The following COL8A1 variants were observed in gnomAD, a reference collection of about 807,000 sequenced individuals.
The protein encoded by COL8A1 is collagen type VIII alpha 1 chain.
Under a neutral mutation model 42.7 loss-of-function variants are expected in COL8A1, and 21 were observed. The ratio of observed to expected loss-of-function variants is 0.49; its 90% confidence interval spans 0.35 to 0.71. COL8A1 has a LOEUF of 0.71. Among genes scored for constraint, COL8A1 ranks in the 30% least tolerant of loss-of-function variants. COL8A1 has a pLI of 0.01. For missense variants in COL8A1, 788 were observed against 962.4 expected (o/e 0.82, Z 2.40); for synonymous variants, 367 against 369.1 (o/e 0.99, Z 0.06).
In COL8A1 at chr3:99,740,121, A is replaced by C. The variant is rs186204033; in HGVS notation, c.-128-4776A>C. 3.5e-3 allele frequency among the ~76,000 whole-genome samples: 536 copies of C among 152,288 alleles called. 2 individuals are homozygous for C. Among genetic ancestry groups the C allele is most frequent in the African/African-American group, 0.012 (504 of 41,560 alleles). On this transcript the variant is annotated intron_variant, in intron 1 of 3. Transcript: ENST00000652472. ...CCAACAAGTTCCTGATCTCCATCTG[A>C]GACCACCTCAGCCTGGACTTCATTA...
At chr3:99,781,460 A>T (rs993317853) in intron 2 of COL8A1, among the ~76,000 whole-genome samples, 1 of 152,214 alleles carries the variant, frequency 6.6e-6, no homozygotes, top group Non-Finnish European at 1.5e-5. Flanking sequence ...GGGTTATATG[A>T]TTCAAAATAA....
intron 1 of COL8A1, among the ~76,000 whole-genome samples, chr3:99,709,585 C>T (rs993486352): frequency 6.6e-6 from 1 of 152,084 alleles, no homozygotes. Flanking sequence ...AATCTCACTC[C>T]ACTTTTTAAA....
At chr3:99,672,386 C>T (rs558131955) in intron 1 of COL8A1, among the ~76,000 whole-genome samples, 13 of 151,854 alleles carry the variant, frequency 8.6e-5, no homozygotes, top group African/African-American at 3.1e-4. Context: ...CTAACTTCTC[C>T]TGTATTTTCC....
At chr3:99,758,534 A>T (rs1220999301) in intron 2 of COL8A1, among the ~76,000 whole-genome samples, 1 of 152,198 alleles carries the variant, frequency 6.6e-6, no homozygotes, top group Non-Finnish European at 1.5e-5. Flanking sequence ...ATTGAAAAGA[A>T]CCACAGTTTA....
At chr3:99,681,967 T>A (rs370558066) in intron 1 of COL8A1, among the ~76,000 whole-genome samples, 3 of 152,192 alleles carry the variant, frequency 2.0e-5, no homozygotes, top group African/African-American at 7.2e-5. Flanking sequence ...CAGAGCCAGC[T>A]CTCTTCACCA....
chr3:99,739,769 T>C (rs1940846250), intron 1 of COL8A1, among the ~76,000 whole-genome samples: 1 of 152,180 alleles, frequency 6.6e-6, no homozygotes, highest in Admixed American at 6.5e-5. Flanking sequence ...GAGGCTGCCA[T>C]GAAGGTCTCT....
intron 1 of COL8A1, among the ~76,000 whole-genome samples, chr3:99,718,782 G>A (rs1378366767): frequency 6.6e-6 from 1 of 152,000 alleles, no homozygotes; most frequent in Non-Finnish European, 1.5e-5. Context: ...AAATTCAGTT[G>A]CATACTTACG....
intron 1 of COL8A1, chr3:99,678,526 T>C (rs570086895): frequency 9.9e-5 from 15 of 152,122 alleles, no homozygotes; most frequent in African/African-American, 3.6e-4. Flanking sequence ...TGTGAGCATA[T>C]TGGGCATCTA....
intron 1 of COL8A1, among the ~76,000 whole-genome samples, chr3:99,675,069 C>T (rs1457153960): frequency 6.6e-6 from 1 of 151,972 alleles, no homozygotes; most frequent in East Asian, 1.9e-4. Flanking sequence ...TAGAGATAAG[C>T]CCTCTGGTTT....
chr3:99,655,424 C>T (rs893780434), intron 1 of COL8A1, among the ~76,000 whole-genome samples: 13 of 152,146 alleles, frequency 8.5e-5, no homozygotes, highest in African/African-American at 3.1e-4. Flanking sequence ...AAATTTGTTG[C>T]CATCAAGGTA....
intron 1 of COL8A1, among the ~76,000 whole-genome samples, chr3:99,738,546 G>A (rs536552106): frequency 6.6e-6 from 1 of 152,342 alleles, no homozygotes; most frequent in South Asian, 2.1e-4. Context: ...GGGGTTCAGG[G>A]GTCAGGGACC....
chr3:99,778,506 G>T (rs1941736620), intron 2 of COL8A1, among the ~76,000 whole-genome samples: 1 of 151,986 alleles, frequency 6.6e-6, no homozygotes, highest in Non-Finnish European at 1.5e-5. Flanking sequence ...TTTATCATAG[G>T]TATAAAGAGA....
Position 99,795,259 on chromosome 3 carries a change from G to A in COL8A1, c.1358G>A (p.Gly453Asp). Residue 453 changes from glycine to aspartate, a missense_variant, in exon 4 of 4, where the codon GGT becomes GAT. Gly to Asp is a moderately conservative substitution (Grantham distance 94, BLOSUM62 -1). Transcript: ENST00000652472. ...LGEVGPPGMRGLPGPIGPKGE... is the reference protein window; with the variant it reads ...LGEVGPPGMRDLPGPIGPKGE... ...GAAGTAGGGCCTCCTGGCATGAGGGGTTTGCCAGGTCCCATAGGGCCCAAG... is the reference window on the plus strand; with the variant it reads ...GAAGTAGGGCCTCCTGGCATGAGGGATTTGCCAGGTCCCATAGGGCCCAAG... 2 of 1,613,206 alleles carry A rather than the reference G, an allele frequency of 1.2e-6. No individual in the cohort carries two copies. Among genetic ancestry groups the A allele is most frequent in the Non-Finnish European group, 1.7e-6 (2 of 1,179,546 alleles).
intron 2 of COL8A1, among the ~76,000 whole-genome samples, chr3:99,765,372 G>T (rs1269795259): frequency 1.3e-5 from 2 of 152,118 alleles, no homozygotes; most frequent in African/African-American, 4.8e-5. Flanking sequence ...TCAGCAAAGG[G>T]TATCTAGTAG....
intron 1 of COL8A1, among the ~76,000 whole-genome samples, chr3:99,672,171 G>A (rs1938566268): frequency 6.6e-6 from 1 of 152,002 alleles, no homozygotes; most frequent in South Asian, 2.1e-4. Context: ...ACAGCTCAGA[G>A]CAGTAAGAAT....
In COL8A1 at chr3:99,773,335, C is replaced by T. The variant is rs529478862; in HGVS notation, c.-3-17345C>T. On this transcript the variant is annotated intron_variant, in intron 2 of 3. Transcript: ENST00000652472. ...GCTTCCACGTCATAGTGAGCAGGCT[C>T]TTCTGGGTTTTTAAGGGGAATGGCA... Among the ~76,000 whole-genome samples the T allele has an allele frequency of 1.0e-3, 157 of 152,188 alleles. 1 individual carries two copies. The highest frequency in any genetic ancestry group is 2.6e-3 in the Admixed American group (39 of 15,280).
intron 1 of COL8A1, among the ~76,000 whole-genome samples, chr3:99,667,530 TTC>T (rs1393671597): frequency 6.6e-6 from 1 of 152,166 alleles, no homozygotes; most frequent in Non-Finnish European, 1.5e-5. Context: ...GGAAGAATTT[TTC>T]TCTGTCTGAT....
At chr3:99,756,384 A>G (rs1339095543) in intron 2 of COL8A1, among the ~76,000 whole-genome samples, 1 of 152,172 alleles carries the variant, frequency 6.6e-6, no homozygotes, top group Non-Finnish European at 1.5e-5. Context: ...CACTCTTAGA[A>G]TTCTGAACCA....
At position 99,709,364 on chromosome 3, in the gene COL8A1, T is replaced by G. The variant is rs545434490; in HGVS notation, c.-128-35533T>G. 2.6e-5 allele frequency among the ~76,000 whole-genome samples: 4 copies of G among 152,286 alleles called. No homozygotes were observed. The South Asian group carries it at 8.3e-4, about 32-fold the overall frequency. On this transcript the variant is annotated intron_variant, in intron 1 of 3. Transcript: ENST00000652472. The stretch of plus-strand genomic sequence containing the variant: ...ACACTCCACCCTTCCATAGTCCCTG[T>G]CTAACCCTGCATCATACTGGTAATG...
Sources: gnomAD v4.1 joint callset for allele counts (sites outside exome capture counted in the v4.1 genomes callset) on GRCh38, gnomAD v4.1.1 for gene constraint, MANE v1.5 for transcripts, NCBI Gene and HGNC (gene_info 2026-07-23, HGNC 2026-07-21) for gene names.